Variants in CHAT observed in about 807,000 individuals in gnomAD.
CHAT encodes the protein choline O-acetyltransferase.
In CHAT, 61 loss-of-function variants were observed where a neutral mutation model predicts 76.9. That is an observed-to-expected ratio of 0.79 (90% CI 0.65 to 0.98). CHAT has a LOEUF of 0.98. CHAT is among the 50% of genes least tolerant of loss of function. The probability of loss-of-function intolerance (pLI) is 0.00; values close to 1 mark genes in which losing one functional copy is unlikely to be tolerated. For synonymous variants in CHAT, 407 were observed against 397.4 expected, an observed-to-expected ratio of 1.02 and a Z score of -0.29; for missense variants, 946 against 986.9, an observed-to-expected ratio of 0.96 and a Z score of 0.56.
At chr10:49,646,436 G>C in intron 7 of CHAT, 69 bp from the exon 8 acceptor site, 2 of 1,584,028 alleles carry the variant, frequency 1.3e-6, no homozygotes, top group Non-Finnish European at 1.7e-6. Flanking sequence ...TGCCCTGTGT[G>C]GGGCTCTGAG....
At position 49,644,181 on chromosome 10, in the gene CHAT, G is replaced by A. The variant is rs557176286; in HGVS notation, c.1112-2324G>A. Among the ~76,000 whole-genome samples, 3 of 152,342 alleles carry A rather than the reference G, an allele frequency of 2.0e-5. 1 individual carries two copies. The highest frequency in any genetic ancestry group is 7.2e-5 in the African/African-American group (3 of 41,570). On this transcript the variant is annotated intron_variant, in intron 7 of 14. Coordinates refer to ENST00000337653, the MANE Select transcript of CHAT (RefSeq NM_020549.5). Reference sequence around the variant, plus strand: ...CTCAGGGAGGGCTGTCATAGACAGAGGAGGAGAAGGGCCTTGTCCTGGGCA... The same window carrying A: ...CTCAGGGAGGGCTGTCATAGACAGAAGAGGAGAAGGGCCTTGTCCTGGGCA...
rs142775503 is a variant in CHAT, at chr10:49,646,232, C to G, written c.1112-273C>G. Among the ~76,000 whole-genome samples, 323 of 152,336 alleles carry G rather than the reference C, an allele frequency of 2.1e-3. 2 individuals are homozygous for G. The highest frequency in any genetic ancestry group is 7.0e-3 in the African/African-American group (290 of 41,584). Reference sequence around the variant, plus strand: ...CATGCATGACCAATAGCCCACACATCTGGAGGAGAGCTGGTCACAGCTGGA... The same window carrying G: ...CATGCATGACCAATAGCCCACACATGTGGAGGAGAGCTGGTCACAGCTGGA... On this transcript the variant is annotated intron_variant, in intron 7 of 14. Transcript: ENST00000337653.
At chr10:49,611,332 G>A, upstream of CHAT, 1 of 1,603,076 alleles carries the variant, frequency 6.2e-7, no homozygotes, top group Non-Finnish European at 8.5e-7. Context: ...GTCTGGCATA[G>A]CCATGATCGC....
upstream of CHAT, among the ~76,000 whole-genome samples, chr10:49,610,045 G>A (rs962527102): frequency 2.0e-5 from 3 of 151,892 alleles, no homozygotes; most frequent in Non-Finnish European, 2.9e-5. Flanking sequence ...GGGGGCGGGG[G>A]GCAGAGGGCC....
At chr10:49,645,319 G>T (rs1310875007) in intron 7 of CHAT, among the ~76,000 whole-genome samples, 3 of 152,142 alleles carry the variant, frequency 2.0e-5, no homozygotes, top group Non-Finnish European at 4.4e-5. Flanking sequence ...CCAGCATCCA[G>T]CCCCCAAGGT....
chr10:49,635,246 A>C (rs1839258225), intron 7 of CHAT, among the ~76,000 whole-genome samples: 1 of 152,240 alleles, frequency 6.6e-6, no homozygotes, highest in African/African-American at 2.4e-5. Context: ...AGATTTATCC[A>C]AATCGTTGCA....
At chr10:49,646,455 A>C (rs770530235) in intron 7 of CHAT, 50 bp from the exon 8 acceptor site, 1 of 1,609,158 alleles carries the variant, frequency 6.2e-7, no homozygotes, top group East Asian at 2.2e-5. Flanking sequence ...AGGAGGGAAG[A>C]CTGGCCTGGA....
Position 49,642,205 on chromosome 10 carries a change from G to A in CHAT, c.1112-4300G>A, listed in dbSNP as rs532646925. ...TGCCACAAGACAAATGGCTCCTGCC[G>A]TGCGCCTTCAGCCCGTTGTCCCATG... is the stretch of plus-strand genomic sequence containing the variant. On this transcript the variant is annotated intron_variant, in intron 7 of 14. Transcript: ENST00000337653. Among the ~76,000 whole-genome samples, 160 of 152,338 alleles carry A rather than the reference G, an allele frequency of 1.1e-3. 3 individuals are homozygous for A. Among genetic ancestry groups the A allele is most frequent in the South Asian group, 6.2e-4 (3 of 4,822 alleles).
chr10:49,650,773 G>A (rs1390306039), intron 10 of CHAT, among the ~76,000 whole-genome samples: 3 of 152,152 alleles, frequency 2.0e-5, no homozygotes, highest in Admixed American at 6.5e-5. Context: ...GCTGAAGAGC[G>A]GGAAGGACCC....
upstream of CHAT, chr10:49,611,299 C>T: frequency 6.2e-7 from 1 of 1,608,290 alleles, no homozygotes; most frequent in Non-Finnish European, 8.5e-7. Flanking sequence ...CCTGCAGGGC[C>T]TGGGCTCAGC....
intron 7 of CHAT, among the ~76,000 whole-genome samples, chr10:49,631,596 G>A (rs776451913): frequency 1.2e-4 from 19 of 152,186 alleles, no homozygotes; most frequent in Non-Finnish European, 2.4e-4. Flanking sequence ...TAGCAGGGCC[G>A]AGGGGTTTGG....
intron 13 of CHAT, among the ~76,000 whole-genome samples, chr10:49,662,372 C>A (rs1840219086): frequency 6.6e-6 from 1 of 152,214 alleles, no homozygotes; most frequent in Non-Finnish European, 1.5e-5. Context: ...CTCAGACTCA[C>A]TAACCTTTAG....
At chr10:49,624,525 C>A (rs997321962) in intron 5 of CHAT, among the ~76,000 whole-genome samples, 2 of 152,212 alleles carry the variant, frequency 1.3e-5, no homozygotes, top group Non-Finnish European at 2.9e-5. Flanking sequence ...GTCTCACTAC[C>A]TGACAGTCTC....
At chr10:49,664,143 GC>G (rs1840280537) in intron 14 of CHAT, among the ~76,000 whole-genome samples, 1 of 152,190 alleles carries the variant, frequency 6.6e-6, no homozygotes. Flanking sequence ...AGCATTTATG[GC>G]TTGAATGCTT....
At chr10:49,611,220 C>A (rs1206424199), upstream of CHAT, 4 of 1,613,874 alleles carry the variant, frequency 2.5e-6, no homozygotes, top group African/African-American at 2.7e-5. Context: ...TCGGCCTGGG[C>A]GTCATGTTCG....
intron 10 of CHAT, among the ~76,000 whole-genome samples, chr10:49,651,497 C>G (rs1839876412): frequency 6.6e-6 from 1 of 152,216 alleles, no homozygotes; most frequent in Non-Finnish European, 1.5e-5. Flanking sequence ...AGCCAGTGCT[C>G]CAGAGTCTCA....
chr10:49,661,623 G>A (rs535355683), intron 13 of CHAT, among the ~76,000 whole-genome samples: 1 of 152,282 alleles, frequency 6.6e-6, no homozygotes, highest in South Asian at 2.1e-4. Context: ...GGCTTTGACA[G>A]CTAACTGGCC....
At chr10:49,657,249 G>T (rs1222740229) in intron 13 of CHAT, among the ~76,000 whole-genome samples, 2 of 152,180 alleles carry the variant, frequency 1.3e-5, no homozygotes, top group Non-Finnish European at 2.9e-5. Context: ...CTCCTGAGGG[G>T]ACAAGTGCTG....
intron 11 of CHAT, among the ~76,000 whole-genome samples, chr10:49,653,609 C>T (rs1001978812): frequency 2.6e-5 from 4 of 152,222 alleles, no homozygotes; most frequent in African/African-American, 9.6e-5. Context: ...CCTGTCCGGA[C>T]ACCTTGGGGA....
Sources: gnomAD v4.1 joint callset for allele counts (sites outside exome capture counted in the v4.1 genomes callset) on GRCh38, gnomAD v4.1.1 for gene constraint, MANE v1.5 for transcripts, NCBI Gene and HGNC (gene_info 2026-07-23, HGNC 2026-07-21) for gene names.